The following PIK3R6 variants were observed in gnomAD, a reference collection of about 807,000 sequenced individuals.
PIK3R6 encodes phosphoinositide 3-kinase regulatory subunit 6.
PIK3R6 carries 91 observed loss-of-function variants against 84.9 expected under a neutral mutation model. That is an observed-to-expected ratio of 1.07 (90% CI 0.90 to 1.28). PIK3R6 has a LOEUF of 1.28. PIK3R6 is among the 50% of genes most tolerant of loss of function. PIK3R6 has a pLI of 0.00. For synonymous variants in PIK3R6, 416 were observed against 411.4 expected (o/e 1.01, Z -0.13); for missense variants, 996 against 985.1 (o/e 1.01, Z -0.15).
At chr17:8,822,052 C>A in intron 16 of PIK3R6, 116 bp from the exon 17 acceptor site, 24 of 412,196 alleles carry the variant, frequency 5.8e-5, no homozygotes, top group Non-Finnish European at 9.2e-5. Context: ...CTGTGAGAGT[C>A]TTTTTTTTTT....
At chr17:8,815,778 A>C (rs1252075742) in intron 18 of PIK3R6, among the ~76,000 whole-genome samples, 1 of 152,164 alleles carries the variant, frequency 6.6e-6, no homozygotes, top group East Asian at 1.9e-4. Context: ...CAAACAAACA[A>C]ACACAGAAAT....
chr17:8,855,527 T>C (rs929124815), intron 1 of PIK3R6, among the ~76,000 whole-genome samples: 3 of 152,246 alleles, frequency 2.0e-5, no homozygotes, highest in Non-Finnish European at 2.9e-5. Context: ...ATATGCCTAT[T>C]AGAATGACTA....
intron 1 of PIK3R6, among the ~76,000 whole-genome samples, chr17:8,864,529 CTTTT>C (rs35714531): frequency 1.4e-4 from 9 of 65,594 alleles, no homozygotes; most frequent in South Asian, 6.0e-4. Context: ...CTTCACAGCT[CTTTT>C]TTTTTTTTTT....
Position 8,836,579 on chromosome 17 carries a change from G to C in PIK3R6, c.429C>G (p.Asn143Lys). The change falls in exon 7 of 20, where the codon AAC becomes AAG. Residue 143 changes from asparagine to lysine, a missense_variant. Asn to Lys is a moderately conservative substitution (Grantham distance 94, BLOSUM62 0). Transcript: ENST00000619866. ...LYQRMVIAEQ[N>K]LTNELYPYQE... is the part of the protein sequence containing the mutation. ...GGTAGGGATACAGCTCATTCGTCAA[G>C]TTCTGTTCGGCAATGACCATCCTTT... is the stretch of plus-strand genomic sequence containing the variant. 6.2e-7 allele frequency: 1 copy of C among 1,613,978 alleles called. No homozygotes were observed. The highest frequency in any genetic ancestry group is 8.5e-7 in the Non-Finnish European group (1 of 1,179,900).
chr17:8,839,289 G>C lies in PIK3R6; in HGVS notation c.97+325C>G, dbSNP rs1200422837. On this transcript the variant is annotated intron_variant, in intron 3 of 19. Coordinates refer to ENST00000619866, the MANE Select transcript of PIK3R6 (RefSeq NM_001010855.4). This position sits in a 1 kb window ranked among gnomAD's most constrained non-coding sequence, Gnocchi z 4.2. ...CTTGAACCAGGGAGGCAGAGGTTGT[G>C]GTGAGCCGAGTTTGCACCACTGCAC... Among the ~76,000 whole-genome samples the C allele has an allele frequency of 6.6e-6, 1 of 151,986 alleles. No individual in the cohort carries two copies. Among genetic ancestry groups the C allele is most frequent in the Admixed American group, 6.6e-5 (1 of 15,252 alleles).
chr17:8,809,541 A>C (rs566794788), intron 18 of PIK3R6, among the ~76,000 whole-genome samples: 9 of 152,180 alleles, frequency 5.9e-5, no homozygotes, highest in Non-Finnish European at 1.3e-4. Flanking sequence ...GCACTTTGGG[A>C]TGCTTGAGTT....
At chr17:8,818,093 C>T (rs60765543) in intron 18 of PIK3R6, among the ~76,000 whole-genome samples, 1 of 152,008 alleles carries the variant, frequency 6.6e-6, no homozygotes, top group Non-Finnish European at 1.5e-5. Context: ...TCCGCGTGAG[C>T]GGGAGGTCAT....
At chr17:8,822,536 C>T in intron 16 of PIK3R6, 51 bp downstream of exon 16, 6 of 1,586,960 alleles carry the variant, frequency 3.8e-6, no homozygotes, top group Non-Finnish European at 4.3e-6. Flanking sequence ...AGGCCTGCTC[C>T]CTCCAGCTGT....
At chr17:8,832,128 C>T (rs35874212) in intron 9 of PIK3R6, among the ~76,000 whole-genome samples, 13,124 of 152,242 alleles carry the variant, frequency 0.086, 659 homozygotes, top group Middle Eastern at 0.15. Context: ...GGATTTGTAT[C>T]TTGGCTTTGC....
intron 1 of PIK3R6, among the ~76,000 whole-genome samples, chr17:8,864,375 G>A (rs1272169638): frequency 6.6e-6 from 1 of 151,956 alleles, no homozygotes; most frequent in Non-Finnish European, 1.5e-5. Flanking sequence ...CATGCTCCTA[G>A]TTGTGCTGTG....
In PIK3R6 at chr17:8,837,855, A is replaced by T; in HGVS notation, c.206T>A (p.Leu69His). ...RELEKAESQD[L>H]RHVIIPLLHT... Reference sequence around the variant, plus strand: ...CAGCAAGGGAATGATGACATGCCGGAGGTCCTGGCTTTCCGCCTGGAAAAC... The same window carrying T: ...CAGCAAGGGAATGATGACATGCCGGTGGTCCTGGCTTTCCGCCTGGAAAAC... Residue 69 changes from leucine to histidine, a missense_variant, in exon 5 of 20, where the codon CTC (leucine) becomes CAC (histidine). Coordinates refer to ENST00000619866, the MANE Select transcript of PIK3R6 (RefSeq NM_001010855.4). The T allele has an allele frequency of 4.3e-6, 7 of 1,613,932 alleles. No individual in the cohort carries two copies. The South Asian group carries it at 6.6e-5, about 15-fold the overall frequency.
intron 1 of PIK3R6, among the ~76,000 whole-genome samples, chr17:8,854,037 G>C (rs1051121182): frequency 1.6e-4 from 25 of 151,876 alleles, no homozygotes; most frequent in African/African-American, 5.6e-4. Context: ...ATACCAGCAG[G>C]ATTTTTTTTT....
intron 1 of PIK3R6, among the ~76,000 whole-genome samples, chr17:8,857,113 A>G (rs969127753): frequency 6.6e-6 from 1 of 151,248 alleles, no homozygotes; most frequent in Non-Finnish European, 1.5e-5. Context: ...ACTCTAGCAC[A>G]CTCTGATTTT....
chr17:8,826,273 C>T (rs1299144721), intron 13 of PIK3R6, among the ~76,000 whole-genome samples: 1 of 152,166 alleles, frequency 6.6e-6, no homozygotes, highest in Admixed American at 6.5e-5. Context: ...CAGGAAACAT[C>T]AGCTGTTACA....
chr17:8,819,095 T>G lies in PIK3R6; in HGVS notation c.1983A>C (p.Gly661=), dbSNP rs1198319305. 3 of 1,602,156 alleles carry G rather than the reference T, an allele frequency of 1.9e-6. No individual in the cohort carries two copies. The highest frequency in any genetic ancestry group is 2.6e-6 in the Non-Finnish European group (3 of 1,174,330). The part of the protein sequence containing the change: ...TEVVKSSNLA[G]KSFSTVTNTF... The stretch of plus-strand genomic sequence containing the variant: ...ACTCAGTACTTACAGAGAAGGACTT[T>G]CCCGCCAAGTTGGAGGACTTGACAA... Residue 661 remains glycine (G), a synonymous_variant, in exon 18 of 20, where the codon GGA becomes GGC. Transcript: ENST00000619866.
At chr17:8,818,713 G>T (rs976088015) in intron 18 of PIK3R6, among the ~76,000 whole-genome samples, 5 of 152,204 alleles carry the variant, frequency 3.3e-5, no homozygotes, top group African/African-American at 1.2e-4. Context: ...GATTGAGAGA[G>T]CTGGTCTGAT....
At position 8,838,663 on chromosome 17, in the gene PIK3R6, A is replaced by G. The variant is rs749172003; in HGVS notation, c.98-8T>C. ...GGGACCACCTCCACATGCCTGGGCCAGGAGAAAGGGGAGCCCGGCATGAGC... is the reference window on the plus strand; with the variant it reads ...GGGACCACCTCCACATGCCTGGGCCGGGAGAAAGGGGAGCCCGGCATGAGC... On this transcript the variant is annotated splice_polypyrimidine_tract_variant and splice_region_variant and intron_variant, in intron 3 of 19. Coordinates refer to ENST00000619866, the MANE Select transcript of PIK3R6 (RefSeq NM_001010855.4). 1 of 1,590,766 alleles carries G rather than the reference A, an allele frequency of 6.3e-7. No individual in the cohort carries two copies. The highest frequency in any genetic ancestry group is 1.1e-5 in the South Asian group (1 of 87,280).
intron 8 of PIK3R6, 59 bp from the exon 9 acceptor site, chr17:8,833,104 CT>C: frequency 6.7e-7 from 1 of 1,484,528 alleles, no homozygotes; most frequent in South Asian, 1.3e-5. Context: ...ACCCCAGCTC[CT>C]AAGCCAAGTC....
chr17:8,820,752 C>G (rs1318825963), intron 17 of PIK3R6, among the ~76,000 whole-genome samples: 2 of 152,140 alleles, frequency 1.3e-5, no homozygotes, highest in Non-Finnish European at 2.9e-5. Flanking sequence ...AGCTATGATG[C>G]CCACTTATGA....
Sources: gnomAD v4.1 joint callset for allele counts (sites outside exome capture counted in the v4.1 genomes callset) on GRCh38, gnomAD v4.1.1 for gene constraint, Gnocchi (gnomAD v3.1) non-coding constraint, MANE v1.5 for transcripts, NCBI Gene and HGNC (gene_info 2026-07-23, HGNC 2026-07-21) for gene names.